CREG2: variants seen among roughly 807,000 people sequenced by gnomAD.
CREG2 encodes the protein cellular repressor of E1A stimulated genes 2, also known as protein CREG2.
CREG2 carries 24 observed loss-of-function variants against 26.2 expected under a neutral mutation model. That is an observed-to-expected ratio of 0.92 (90% CI 0.66 to 1.29). The LOEUF (loss-of-function observed/expected upper bound fraction) is 1.29, where lower values mean the gene tolerates loss of function less well. CREG2 is among the 50% of genes most tolerant of loss of function. The probability of loss-of-function intolerance (pLI) is 0.00; values close to 1 mark genes in which losing one functional copy is unlikely to be tolerated. For synonymous variants in CREG2, 174 were observed against 169.2 expected (o/e 1.03, Z -0.22); for missense variants, 366 against 398.6 (o/e 0.92, Z 0.70).
intron 2 of CREG2, among the ~76,000 whole-genome samples, chr2:101,357,042 A>G (rs559882024): frequency 2.6e-5 from 4 of 152,188 alleles, no homozygotes; most frequent in African/African-American, 9.6e-5. Flanking sequence ...GGAATGCACC[A>G]CACGCCCGGC....
intron 1 of CREG2, among the ~76,000 whole-genome samples, chr2:101,384,510 G>C (rs889728891): frequency 6.6e-6 from 1 of 152,056 alleles, no homozygotes; most frequent in Non-Finnish European, 1.5e-5. Flanking sequence ...TGAATGGCTT[G>C]GTGCCCTCCT....
At chr2:101,383,885 G>A (rs958826092) in intron 1 of CREG2, among the ~76,000 whole-genome samples, 183 bp from the exon 2 acceptor site, 1 of 152,170 alleles carries the variant, frequency 6.6e-6, no homozygotes, top group Non-Finnish European at 1.5e-5. Context: ...AATTCACTCC[G>A]TGGTGGCTCT....
intron 2 of CREG2, among the ~76,000 whole-genome samples, chr2:101,374,678 G>A (rs1228862868): frequency 1.2e-4 from 18 of 152,164 alleles, no homozygotes; most frequent in Admixed American, 1.2e-3. Flanking sequence ...CTGTGTGTTC[G>A]CTTGATCCAG....
At chr2:101,379,019 A>G (rs1684832147) in intron 2 of CREG2, among the ~76,000 whole-genome samples, 1 of 152,066 alleles carries the variant, frequency 6.6e-6, no homozygotes, top group Admixed American at 6.6e-5. Flanking sequence ...AAAAAAAAGA[A>G]AAAAGAAAAA....
chr2:101,375,006 A>T (rs1437365976), intron 2 of CREG2, among the ~76,000 whole-genome samples: 1 of 152,158 alleles, frequency 6.6e-6, no homozygotes, highest in Non-Finnish European at 1.5e-5. Context: ...CCCTCCCCTC[A>T]GTTACTCTGC....
Position 101,387,056 on chromosome 2 carries a change from G to T in CREG2, c.402C>A (p.Ser134Arg), listed in dbSNP as rs1266921033. ...ACACGGTGGCCAGGCAGCCCCAGAC[G>T]CTGGCATGGGCCAGGGAGCGGGCGG... ...AATARSLAHA[S>R]VWGCLATVST... Residue 134 changes from serine (S) to arginine (R), a missense_variant, in exon 1 of 4, where the codon AGC (serine) becomes AGA (arginine). Transcript: ENST00000324768. This position sits in a 1 kb window ranked among gnomAD's most constrained non-coding sequence, Gnocchi z 4.7. The T allele has an allele frequency of 7.3e-6, 9 of 1,232,812 alleles. No homozygotes were observed. Among genetic ancestry groups the T allele is most frequent in the African/African-American group, 1.6e-5 (1 of 64,466 alleles). The allele number at this position is 1,232,812 out of a possible 1,614,324, so 76.4% of individuals were successfully genotyped here. A position where few individuals can be genotyped will look rare whatever the true frequency, so the allele number is the denominator to read the frequency against.
At chr2:101,384,096 AC>A (rs1296350094) in intron 1 of CREG2, among the ~76,000 whole-genome samples, 1 of 152,048 alleles carries the variant, frequency 6.6e-6, no homozygotes, top group Non-Finnish European at 1.5e-5. Context: ...CACCGCTTTA[AC>A]TCCCAAGGTT....
Position 101,366,418 on chromosome 2 carries a change from C to A in CREG2, c.612-11052G>T, listed in dbSNP as rs142051756. 1.1e-3 allele frequency among the ~76,000 whole-genome samples: 173 copies of A among 152,266 alleles called. 1 individual carries two copies. The highest frequency in any genetic ancestry group is 2.0e-3 in the Non-Finnish European group (139 of 68,024). On this transcript the variant is annotated intron_variant, in intron 2 of 3. Coordinates refer to ENST00000324768, the MANE Select transcript of CREG2 (RefSeq NM_153836.4). ...AATGAAATGTGTATTGTTCAGAAGC[C>A]TTGGACATACAGTTGGCCTTCCACA...
chr2:101,353,506 AC>A (rs1684412172), intron 3 of CREG2, among the ~76,000 whole-genome samples: 1 of 152,228 alleles, frequency 6.6e-6, no homozygotes, highest in Admixed American at 6.5e-5. Context: ...ATGCTTTTAC[AC>A]AGTTGGTGGG....
intron 2 of CREG2, among the ~76,000 whole-genome samples, chr2:101,368,832 A>G (rs1419894131): frequency 6.6e-6 from 1 of 152,242 alleles, no homozygotes; most frequent in Non-Finnish European, 1.5e-5. Context: ...ACCAGAGAGC[A>G]GGTGCTCACC....
At chr2:101,370,930 G>A (rs775449046) in intron 2 of CREG2, among the ~76,000 whole-genome samples, 2 of 152,160 alleles carry the variant, frequency 1.3e-5, no homozygotes, top group East Asian at 1.9e-4. Context: ...GCAGCTCCCC[G>A]CCTGCTGAGG....
At chr2:101,384,489 T>C (rs2104488938) in intron 1 of CREG2, among the ~76,000 whole-genome samples, 1 of 152,102 alleles carries the variant, frequency 6.6e-6, no homozygotes, top group South Asian at 2.1e-4. Context: ...GTCATGGGGG[T>C]GGATCCCTCA....
chr2:101,376,615 A>T (rs1684795168), intron 2 of CREG2, among the ~76,000 whole-genome samples: 1 of 152,308 alleles, frequency 6.6e-6, no homozygotes, highest in South Asian at 2.1e-4. Flanking sequence ...GTTTGAGAAG[A>T]ATCTTACCCA....
chr2:101,354,772 A>G (rs1167303593), intron 3 of CREG2, among the ~76,000 whole-genome samples: 3 of 152,050 alleles, frequency 2.0e-5, no homozygotes, highest in East Asian at 1.9e-4. Flanking sequence ...GCCTTTCACA[A>G]TACAGATTCC....
chr2:101,355,732 G>A (rs781478567), intron 2 of CREG2, among the ~76,000 whole-genome samples: 1 of 152,000 alleles, frequency 6.6e-6, no homozygotes, highest in Non-Finnish European at 1.5e-5. Context: ...GGGTGGGAGT[G>A]CTTGTTTTGC....
intron 3 of CREG2, among the ~76,000 whole-genome samples, chr2:101,351,398 C>G (rs775840793): frequency 6.6e-6 from 1 of 152,344 alleles, no homozygotes. Flanking sequence ...TGGAGTGATG[C>G]TGATGCGGCT....
chr2:101,385,753 G>T (rs1217472758), intron 1 of CREG2, among the ~76,000 whole-genome samples: 1 of 152,176 alleles, frequency 6.6e-6, no homozygotes, highest in Non-Finnish European at 1.5e-5. Flanking sequence ...TAGCTGCCCA[G>T]AGTCATGCTT....
At chr2:101,385,272 T>A (rs1399115113) in intron 1 of CREG2, among the ~76,000 whole-genome samples, 1 of 152,174 alleles carries the variant, frequency 6.6e-6, no homozygotes, top group Non-Finnish European at 1.5e-5. Context: ...AGCCTCCGTC[T>A]CCTGGGTTAA....
At chr2:101,352,853 G>A (rs1016370871) in intron 3 of CREG2, among the ~76,000 whole-genome samples, 3 of 152,144 alleles carry the variant, frequency 2.0e-5, no homozygotes, top group Non-Finnish European at 2.9e-5. Context: ...AGGATGCTGA[G>A]GCAAGAAGAT....
Sources: allele counts gnomAD v4.1 joint callset (sites outside exome capture counted in the v4.1 genomes callset), GRCh38; gene constraint gnomAD v4.1.1; non-coding constraint Gnocchi (gnomAD v3.1); transcripts MANE v1.5; gene names NCBI Gene and HGNC (gene_info 2026-07-23, HGNC 2026-07-21).